PTPRD: variants seen among roughly 807,000 people sequenced by gnomAD.
PTPRD encodes receptor-type tyrosine-protein phosphatase delta.
In PTPRD, 34 loss-of-function variants were observed where a neutral mutation model predicts 214.5. The ratio of observed to expected loss-of-function variants is 0.16; its 90% CI spans 0.12 to 0.21. The LOEUF (loss-of-function observed/expected upper bound fraction) is 0.21. Ranked by LOEUF, PTPRD falls within the 10% of genes least tolerant of loss-of-function variation. The pLI is 1.00. For synonymous variants in PTPRD, 1,128 were observed against 845.7 expected, an observed-to-expected ratio of 1.33 and a Z score of -5.79; for missense variants, 2,545 against 2,398.7, an observed-to-expected ratio of 1.06 and a Z score of -1.27.
At chr9:10,102,014 G>A (rs2098556012) in intron 3 of PTPRD, among the ~76,000 whole-genome samples, 2 of 151,670 alleles carry the variant, frequency 1.3e-5, no homozygotes, top group Non-Finnish European at 3.0e-5. Flanking sequence ...TTCTAAAAAG[G>A]AGGCACATTT....
At chr9:9,419,975 T>C (rs544762339) in intron 8 of PTPRD, among the ~76,000 whole-genome samples, 3 of 151,684 alleles carry the variant, frequency 2.0e-5, no homozygotes, top group Non-Finnish European at 4.4e-5. Flanking sequence ...CTTTCATATG[T>C]AATATCTAAA....
At chr9:8,787,663 G>T (rs1226367203) in intron 11 of PTPRD, among the ~76,000 whole-genome samples, 1 of 152,178 alleles carries the variant, frequency 6.6e-6, no homozygotes, top group African/African-American at 2.4e-5. Context: ...TTAGAGGGGA[G>T]TCATGTGGAG....
chr9:9,134,275 T>G (rs553618812), intron 10 of PTPRD, among the ~76,000 whole-genome samples: 3 of 149,474 alleles, frequency 2.0e-5, no homozygotes, highest in Non-Finnish European at 4.4e-5. Context: ...AGGTTTCACC[T>G]TGTTAGCCAG....
chr9:9,707,473 G>C (rs546436134), intron 7 of PTPRD, among the ~76,000 whole-genome samples: 1 of 152,168 alleles, frequency 6.6e-6, no homozygotes, highest in South Asian at 2.1e-4. Flanking sequence ...AATGGCATTT[G>C]ATGTACAATA....
chr9:8,872,906 T>C (rs997170946), intron 11 of PTPRD, among the ~76,000 whole-genome samples: 1 of 152,160 alleles, frequency 6.6e-6, no homozygotes, highest in Non-Finnish European at 1.5e-5. Context: ...CAAGTCATCA[T>C]TGCATTAAGA....
At chr9:9,413,517 G>T (rs924848919) in intron 8 of PTPRD, among the ~76,000 whole-genome samples, 1 of 152,140 alleles carries the variant, frequency 6.6e-6, no homozygotes, top group African/African-American at 2.4e-5. Flanking sequence ...AATGGACTAT[G>T]CTGTCAGAAT....
intron 11 of PTPRD, among the ~76,000 whole-genome samples, chr9:8,802,149 C>A (rs1434269): frequency 0.65 from 98,838 of 152,004 alleles, 32,429 homozygotes; most frequent in Middle Eastern, 0.72. Flanking sequence ...CCTTCCATCC[C>A]CCCATAGTCA....
intron 11 of PTPRD, among the ~76,000 whole-genome samples, chr9:8,849,931 G>C (rs768931903): frequency 1.3e-5 from 2 of 152,130 alleles, no homozygotes; most frequent in South Asian, 4.1e-4. Context: ...CTAAGAAGCT[G>C]CGTATGGAGT....
intron 5 of PTPRD, among the ~76,000 whole-genome samples, chr9:9,846,574 G>C (rs1211801855): frequency 6.6e-6 from 1 of 152,084 alleles, no homozygotes; most frequent in Non-Finnish European, 1.5e-5. Flanking sequence ...TCAAAACATG[G>C]TGTACATAAA....
chr9:9,472,079 T>C (rs1406246091), intron 8 of PTPRD, among the ~76,000 whole-genome samples: 1 of 152,164 alleles, frequency 6.6e-6, no homozygotes, highest in Admixed American at 6.5e-5. Context: ...TGGTGATCTA[T>C]GCCAATATTT....
At chr9:10,093,599 T>C (rs116332870) in intron 3 of PTPRD, among the ~76,000 whole-genome samples, 2,374 of 151,638 alleles carry the variant, frequency 0.016, 53 homozygotes, top group African/African-American at 0.054. Context: ...TGGGTATATA[T>C]CCAAAGGAAA....
chr9:10,356,015 G>A (rs1242712068), intron 2 of PTPRD, among the ~76,000 whole-genome samples: 5 of 151,934 alleles, frequency 3.3e-5, no homozygotes, highest in Admixed American at 2.0e-4. Context: ...TCTATTAAGC[G>A]AATATATTAA....
intron 8 of PTPRD, among the ~76,000 whole-genome samples, chr9:9,493,505 G>T (rs983835174): frequency 1.3e-5 from 2 of 151,998 alleles, no homozygotes; most frequent in African/African-American, 4.8e-5. Context: ...AATACATTTT[G>T]TGTCCGGGTA....
At chr9:9,688,636 T>C (rs931366363) in intron 7 of PTPRD, among the ~76,000 whole-genome samples, 2 of 151,886 alleles carry the variant, frequency 1.3e-5, no homozygotes, top group African/African-American at 4.8e-5. Flanking sequence ...TGAATGCATA[T>C]GAACTGCTGG....
intron 10 of PTPRD, among the ~76,000 whole-genome samples, chr9:9,028,074 G>C (rs959626326): frequency 6.6e-6 from 1 of 151,868 alleles, no homozygotes; most frequent in Non-Finnish European, 1.5e-5. Flanking sequence ...CCCTGACAAA[G>C]CATTTGCCAC....
intron 9 of PTPRD, among the ~76,000 whole-genome samples, chr9:9,235,417 T>G (rs1172215182): frequency 6.6e-6 from 1 of 152,176 alleles, no homozygotes; most frequent in Non-Finnish European, 1.5e-5. Context: ...CCAATTGCAC[T>G]CCTACATGGC....
At chr9:9,727,754 C>CT (rs1426515390) in intron 7 of PTPRD, among the ~76,000 whole-genome samples, 1 of 152,170 alleles carries the variant, frequency 6.6e-6, no homozygotes, top group African/African-American at 2.4e-5. Context: ...TTAATGAATG[C>CT]TATCCTGATG....
chr9:10,589,905 C>T (rs890324729), intron 2 of PTPRD, among the ~76,000 whole-genome samples: 3 of 151,954 alleles, frequency 2.0e-5, no homozygotes, highest in Admixed American at 2.0e-4. Flanking sequence ...AATGCATAAG[C>T]TAGAATATTT....
At chr9:10,380,594 A>G (rs2097800150) in intron 2 of PTPRD, among the ~76,000 whole-genome samples, 1 of 152,054 alleles carries the variant, frequency 6.6e-6, no homozygotes, top group Non-Finnish European at 1.5e-5. Context: ...TTTTTATTCA[A>G]AAGGAAAGTA....
Sources: gnomAD v4.1 joint callset for allele counts (sites outside exome capture counted in the v4.1 genomes callset) on GRCh38, gnomAD v4.1.1 for gene constraint, MANE v1.5 for transcripts, NCBI Gene and HGNC (gene_info 2026-07-23, HGNC 2026-07-21) for gene names.